The following HSD17B4 variants were observed in gnomAD, a reference collection of about 807,000 sequenced individuals.
HSD17B4 encodes peroxisomal multifunctional enzyme type 2.
In HSD17B4, 70 loss-of-function variants were observed where a neutral mutation model predicts 101.0. That is an observed-to-expected ratio of 0.69 (90% CI 0.57 to 0.85). HSD17B4 has a LOEUF of 0.85. Among genes scored for constraint, HSD17B4 ranks in the 40% least tolerant of loss-of-function variants. The pLI is 0.00. For missense variants in HSD17B4, 984 were observed against 892.4 expected (o/e 1.10, Z -1.31); for synonymous variants, 347 against 297.1 (o/e 1.17, Z -1.73).
intron 22 of HSD17B4, among the ~76,000 whole-genome samples, chr5:119,531,979 T>G (rs1335226480): frequency 6.6e-6 from 1 of 152,202 alleles, no homozygotes; most frequent in Non-Finnish European, 1.5e-5. Flanking sequence ...AAAGCAGTCA[T>G]ATTTCTTTTC....
intron 2 of HSD17B4, among the ~76,000 whole-genome samples, chr5:119,457,052 G>A (rs956438911): frequency 1.3e-5 from 2 of 152,186 alleles, no homozygotes; most frequent in Non-Finnish European, 2.9e-5. Flanking sequence ...GGAGGGGTCA[G>A]ATGGAAGATA....
At chr5:119,471,690 C>A in intron 2 of HSD17B4, 1 of 1,456,768 alleles carries the variant, frequency 6.9e-7, no homozygotes, top group Non-Finnish European at 9.2e-7. Context: ...AATGCAGATT[C>A]TTTGTTTCAA....
intron 22 of HSD17B4, among the ~76,000 whole-genome samples, chr5:119,533,671 G>A (rs1020488712): frequency 1.3e-5 from 2 of 152,064 alleles, no homozygotes; most frequent in Admixed American, 6.6e-5. Context: ...GGACTAGATT[G>A]TGGGGACTGT....
chr5:119,533,870 T>C (rs1229085259), intron 22 of HSD17B4, among the ~76,000 whole-genome samples: 1 of 152,128 alleles, frequency 6.6e-6, no homozygotes, highest in East Asian at 1.9e-4. Context: ...ATAATGGTTC[T>C]AAAATTTCCA....
intron 16 of HSD17B4, among the ~76,000 whole-genome samples, chr5:119,510,662 A>G (rs1752086017): frequency 6.6e-6 from 1 of 152,236 alleles, no homozygotes; most frequent in Admixed American, 6.5e-5. Context: ...GAGCAAATGA[A>G]GAAACATTTA....
chr5:119,492,394 T>A, intron 10 of HSD17B4: 1 of 472,814 alleles, frequency 2.1e-6, no homozygotes, highest in African/African-American at 1.9e-5. Context: ...GGCTATTCCT[T>A]CAGACAGCAT....
intron 2 of HSD17B4, among the ~76,000 whole-genome samples, chr5:119,461,238 T>G (rs1755202066): frequency 6.6e-6 from 1 of 152,166 alleles, no homozygotes; most frequent in Non-Finnish European, 1.5e-5. Flanking sequence ...AGATCTTTTA[T>G]AAATAAAGGA....
intron 23 of HSD17B4, among the ~76,000 whole-genome samples, chr5:119,540,290 A>G (rs1296652525): frequency 6.6e-6 from 1 of 152,158 alleles, no homozygotes; most frequent in Non-Finnish European, 1.5e-5. Flanking sequence ...CCAAATTAAC[A>G]GTATTGGGAA....
At chr5:119,469,446 C>T (rs927726790) in intron 2 of HSD17B4, among the ~76,000 whole-genome samples, 1 of 152,144 alleles carries the variant, frequency 6.6e-6, no homozygotes, top group Non-Finnish European at 1.5e-5. Context: ...CCTCTGCCTC[C>T]TGGTTCAAGC....
intron 9 of HSD17B4, among the ~76,000 whole-genome samples, chr5:119,490,174 T>C (rs956020534): frequency 2.6e-5 from 4 of 152,168 alleles, no homozygotes; most frequent in African/African-American, 9.7e-5. Flanking sequence ...AAAAAACAGT[T>C]TGCATATCTC....
chr5:119,482,476 A>T (rs1169883574), intron 8 of HSD17B4, among the ~76,000 whole-genome samples: 1 of 152,030 alleles, frequency 6.6e-6, no homozygotes, highest in Non-Finnish European at 1.5e-5. Flanking sequence ...TTGTCTCTTT[A>T]GCCTGTGCTT....
At position 119,527,220 on chromosome 5, in the gene HSD17B4, G is replaced by C. The variant is rs778819588; in HGVS notation, c.1767+1G>C. 1 of 1,587,850 alleles carries C rather than the reference G, an allele frequency of 6.3e-7. No individual in the cohort carries two copies. Among genetic ancestry groups the C allele is most frequent in the South Asian group, 1.1e-5 (1 of 90,482 alleles). ...AAACAGAATTCATTTTCAAACCAAG[G>C]TATGAATTTTGCTTTTTCACCCTTC... On this transcript the variant is annotated splice_donor_variant, in intron 20 of 23. Coordinates refer to ENST00000510025, the MANE Select transcript of HSD17B4 (RefSeq NM_000414.4). LOFTEE classifies it high-confidence loss of function.
intron 9 of HSD17B4, 116 bp downstream of exon 9, chr5:119,489,399 TA>T (rs1225639369): frequency 4.1e-5 from 30 of 739,372 alleles, no homozygotes; most frequent in Non-Finnish European, 7.2e-5. Context: ...ATGTTATAAT[TA>T]AAAGTGTTGA....
At chr5:119,456,688 A>C (rs1313274636) in intron 2 of HSD17B4, 1 of 391,620 alleles carries the variant, frequency 2.6e-6, no homozygotes, top group Non-Finnish European at 4.8e-6. Flanking sequence ...TCGAGCCTGC[A>C]GAGAACTATG....
intron 1 of HSD17B4, among the ~76,000 whole-genome samples, chr5:119,453,171 C>T (rs1298285126): frequency 6.6e-6 from 1 of 152,186 alleles, no homozygotes; most frequent in Admixed American, 6.5e-5. Context: ...GAGCCCTTCC[C>T]CGTTGGAGTT....
At chr5:119,486,868 T>G (rs1004090839) in intron 8 of HSD17B4, among the ~76,000 whole-genome samples, 2 of 152,164 alleles carry the variant, frequency 1.3e-5, no homozygotes, top group African/African-American at 4.8e-5. Context: ...ACATTTCTAT[T>G]CCATTGTAGT....
At chr5:119,494,644 C>T (rs1750466056) in intron 11 of HSD17B4, among the ~76,000 whole-genome samples, 1 of 152,040 alleles carries the variant, frequency 6.6e-6, no homozygotes, top group Admixed American at 6.6e-5. Flanking sequence ...ACCACTTGAG[C>T]ATCTAATTTT....
intron 2 of HSD17B4, among the ~76,000 whole-genome samples, chr5:119,469,327 T>TA (rs1472516956): frequency 1.3e-5 from 2 of 151,324 alleles, no homozygotes; most frequent in African/African-American, 4.9e-5. Flanking sequence ...TTAAAAAAAG[T>TA]GTTTAAAGAA....
At chr5:119,511,997 T>C (rs1469797748) in intron 16 of HSD17B4, among the ~76,000 whole-genome samples, 1 of 152,164 alleles carries the variant, frequency 6.6e-6, no homozygotes, top group African/African-American at 2.4e-5. Context: ...TGCTTAAATG[T>C]TACTAAATAT....
Sources: allele counts gnomAD v4.1 joint callset (sites outside exome capture counted in the v4.1 genomes callset), GRCh38; gene constraint gnomAD v4.1.1; transcripts MANE v1.5; gene names NCBI Gene and HGNC (gene_info 2026-07-23, HGNC 2026-07-21).